Variants in FGF13 observed in about 807,000 individuals in gnomAD.
The protein encoded by FGF13 is fibroblast growth factor homologous factor 2.
FGF13 carries 2 observed loss-of-function variants against 19.5 expected under a neutral mutation model. The ratio of observed to expected loss-of-function variants is 0.10; its 90% CI spans 0.04 to 0.32. The LOEUF is 0.32. Among genes scored for constraint, FGF13 ranks in the 10% least tolerant of loss-of-function variants. The probability of loss-of-function intolerance (pLI) is 1.00; values close to 1 mark genes in which losing one functional copy is unlikely to be tolerated. For missense variants in FGF13, 113 were observed against 192.7 expected (o/e 0.59, Z 2.45); for synonymous variants, 72 against 76.9 (o/e 0.94, Z 0.33).
At chrX:139,150,732 T>C (rs924474658) in intron 1 of FGF13, among the ~76,000 whole-genome samples, 6 of 111,748 alleles carry the variant, frequency 5.4e-5, no homozygotes, top group East Asian at 5.7e-4. Flanking sequence ...ACAGAGCTGA[T>C]AGACCAGACA....
intron 1 of FGF13, among the ~76,000 whole-genome samples, chrX:139,021,108 C>T (rs777809659): frequency 9.0e-6 from 1 of 110,831 alleles, no homozygotes; most frequent in South Asian, 3.8e-4. Context: ...AAGACGTTCT[C>T]CACTAAGGCC....
intron 1 of FGF13, among the ~76,000 whole-genome samples, chrX:139,015,660 A>G (rs2092150055): frequency 9.0e-6 from 1 of 111,645 alleles, no homozygotes; most frequent in Non-Finnish European, 1.9e-5. Context: ...ACTCAATGCA[A>G]TCTCTATCAA....
At chrX:139,064,937 T>C (rs1407902746) in intron 1 of FGF13, among the ~76,000 whole-genome samples, 1 of 111,522 alleles carries the variant, frequency 9.0e-6, no homozygotes, top group African/African-American at 3.3e-5. Flanking sequence ...CAATCTCTCA[T>C]ATCCTTTCTT....
chrX:138,995,582 T>G (rs961887185), intron 1 of FGF13, among the ~76,000 whole-genome samples: 9 of 112,458 alleles, frequency 8.0e-5, no homozygotes, highest in African/African-American at 2.6e-4. Flanking sequence ...TGTTCCTGCT[T>G]TAGTTTGCTA....
At chrX:139,145,543 C>T (rs2083881318) in intron 1 of FGF13, among the ~76,000 whole-genome samples, 1 of 110,379 alleles carries the variant, frequency 9.1e-6, no homozygotes. Flanking sequence ...TCTGCCTCTA[C>T]TCCCCTTCAA....
intron 1 of FGF13, among the ~76,000 whole-genome samples, chrX:138,982,796 A>G (rs2091969353): frequency 8.9e-6 from 1 of 111,861 alleles, no homozygotes; most frequent in Non-Finnish European, 1.9e-5. Context: ...GGCAAATAAC[A>G]TTCTTCTTTG....
At chrX:138,705,201 A>G (rs987985025) in intron 2 of FGF13, among the ~76,000 whole-genome samples, 19 of 111,956 alleles carry the variant, frequency 1.7e-4, no homozygotes, top group African/African-American at 5.8e-4. Context: ...AGAATGATAA[A>G]TGAAATTCAG....
intron 1 of FGF13, among the ~76,000 whole-genome samples, chrX:138,974,141 T>C (rs1031536964): frequency 1.8e-5 from 2 of 111,989 alleles, no homozygotes; most frequent in Non-Finnish European, 3.8e-5. Flanking sequence ...TATATTGCTA[T>C]TGTTTATAAA....
chrX:139,012,851 C>T (rs2092135418), intron 1 of FGF13, among the ~76,000 whole-genome samples: 1 of 112,079 alleles, frequency 8.9e-6, no homozygotes, highest in African/African-American at 3.2e-5. Context: ...ACAGATGGAA[C>T]TTAATTAAAC....
chrX:138,687,219 T>A (rs956810278), intron 3 of FGF13, among the ~76,000 whole-genome samples: 2 of 111,610 alleles, frequency 1.8e-5, no homozygotes, highest in African/African-American at 6.5e-5. Flanking sequence ...ACCTACAGAA[T>A]GGGAGAAAAT....
In FGF13 at chrX:139,083,309, T is replaced by A. The variant is rs972492107; in HGVS notation, c.-113+120107A>T. The stretch of plus-strand genomic sequence containing the variant: ...ATCCATTATCTCATTTGACTCTTCA[T>A]GTATCGTGCCCCAGTGCTCAGAAAC... On this transcript the variant is annotated intron_variant, in intron 1 of 2. Coordinates refer to the FGF13 transcript ENST00000421460. 2.7e-5 allele frequency among the ~76,000 whole-genome samples: 3 copies of A among 112,074 alleles called. No homozygotes were observed. In the East Asian group the frequency reaches 8.5e-4, roughly 32 times the overall value.
intron 1 of FGF13, among the ~76,000 whole-genome samples, chrX:139,115,813 C>T (rs1054171782): frequency 1.8e-5 from 2 of 112,672 alleles, no homozygotes; most frequent in Non-Finnish European, 3.7e-5. Context: ...CAACTAGAAA[C>T]GTGAACTCCA....
At position 138,931,253 on chromosome X, in the gene FGF13, GT is replaced by G. The variant is rs1214201417; in HGVS notation, c.-112-66604del. 4.4e-3 allele frequency among the ~76,000 whole-genome samples: 460 copies of G among 103,431 alleles called. 3 individuals carry two copies. The highest frequency in any genetic ancestry group is 0.011 in the African/African-American group (326 of 28,665). 89.8% of individuals were successfully genotyped at this position (103,431 alleles called of 115,157 possible). A position where few individuals can be genotyped will look rare whatever the true frequency, so the allele number is the denominator to read the frequency against. On this transcript the variant is annotated intron_variant, in intron 1 of 2. Transcript: ENST00000421460. The stretch of plus-strand genomic sequence containing the variant: ...GAAGTGAATATGACAGAAAAGGGCT[GT>G]TTTTTTTTTTTAATAACTGTCAACT...
intron 3 of FGF13, among the ~76,000 whole-genome samples, chrX:138,766,897 A>G (rs2090506662): frequency 8.9e-6 from 1 of 112,113 alleles, no homozygotes; most frequent in South Asian, 3.7e-4. Context: ...CTAGCCAATT[A>G]TCTCAGCACC....
rs989582305 is a variant in FGF13, at chrX:138,711,589, C to G, written c.-586G>C. The G allele has an allele frequency of 6.6e-6, 5 of 754,410 alleles. No individual in the cohort carries two copies. The highest frequency in any genetic ancestry group is 2.3e-5 in the African/African-American group (1 of 43,666). The allele number at this position is 754,410 out of a possible 1,213,427, so 62.2% of individuals were successfully genotyped here. The stretch of plus-strand genomic sequence containing the variant: ...GCGTGATAATCGGGAAAAGTTGGCC[C>G]GTGCCAGGTTTCCGACAGGGATCAA... On this transcript the variant is annotated 5_prime_UTR_variant, in exon 1 of 5. Coordinates refer to ENST00000315930, the MANE Select transcript of FGF13 (RefSeq NM_004114.5).
At chrX:138,860,246 G>A (rs958539149) in intron 2 of FGF13, among the ~76,000 whole-genome samples, 7 of 111,344 alleles carry the variant, frequency 6.3e-5, no homozygotes, top group African/African-American at 2.0e-4. Context: ...GCTCCCTCAA[G>A]TAGGATGGTG....
intron 3 of FGF13, among the ~76,000 whole-genome samples, chrX:138,682,894 T>C (rs2089743399): frequency 8.9e-6 from 1 of 111,873 alleles, no homozygotes. Flanking sequence ...CAAGAAAACA[T>C]GCTTGAGAAT....
intron 1 of FGF13, among the ~76,000 whole-genome samples, chrX:139,175,136 G>C (rs2084169812): frequency 9.0e-6 from 1 of 111,368 alleles, no homozygotes; most frequent in Non-Finnish European, 1.9e-5. Flanking sequence ...GGATTCCTAG[G>C]TATTTTATTC....
At chrX:139,105,695 C>T (rs1378188881) in intron 1 of FGF13, among the ~76,000 whole-genome samples, 9 of 112,291 alleles carry the variant, frequency 8.0e-5, no homozygotes, top group Non-Finnish European at 1.3e-4. Flanking sequence ...AGCACTATTA[C>T]TAAATATTCA....
Sources: gnomAD v4.1 joint callset for allele counts (sites outside exome capture counted in the v4.1 genomes callset) on GRCh38, gnomAD v4.1.1 for gene constraint, MANE v1.5 for transcripts, NCBI Gene and HGNC (gene_info 2026-07-23, HGNC 2026-07-21) for gene names.